Variants in SORL1 observed in about 807,000 individuals in gnomAD.
The protein encoded by SORL1 is sortilin-related receptor.
Under a neutral mutation model 273.7 loss-of-function variants are expected in SORL1, and 127 were observed. That is an observed-to-expected ratio of 0.46 (90% CI 0.40 to 0.54). The LOEUF is 0.54. SORL1 is among the 20% of genes least tolerant of loss of function. The pLI is 0.00. For synonymous variants in SORL1, 1,031 were observed against 1,067.4 expected (o/e 0.97, Z 0.66); for missense variants, 2,494 against 2,846.1 (o/e 0.88, Z 2.81).
intron 8 of SORL1, among the ~76,000 whole-genome samples, chr11:121,517,542 G>A (rs965962017): frequency 6.6e-6 from 1 of 152,314 alleles, no homozygotes; most frequent in African/African-American, 2.4e-5. Flanking sequence ...GCCCCTGGCT[G>A]TGGAATGGAA....
chr11:121,583,978 G>A (rs2134889679), intron 26 of SORL1, among the ~76,000 whole-genome samples: 1 of 152,258 alleles, frequency 6.6e-6, no homozygotes, highest in East Asian at 1.9e-4. Flanking sequence ...ATGCAACTCT[G>A]TTTTTGTGTA....
Position 121,612,806 on chromosome 11 carries a change from T to G in SORL1, c.5393T>G (p.Phe1798Cys). 1 of 1,613,950 alleles carries G rather than the reference T, an allele frequency of 6.2e-7. No homozygotes were observed. The highest frequency in any genetic ancestry group is 8.5e-7 in the Non-Finnish European group (1 of 1,179,816). The change falls in exon 40 of 48, where the codon TTC becomes TGC. Residue 1798 changes from phenylalanine to cysteine, a missense_variant. Phe to Cys is a radical substitution (Grantham distance 205). Coordinates refer to ENST00000260197, the MANE Select transcript of SORL1 (RefSeq NM_003105.6). ...AAGCAAGAGAGGAGAACTTTGAACTTCCGAGGAAGCATATTGTCACACAAA... is the reference window on the plus strand; with the variant it reads ...AAGCAAGAGAGGAGAACTTTGAACTGCCGAGGAAGCATATTGTCACACAAA... ...THKQERRTLN[F>C]RGSILSHKVG...
chr11:121,629,414 T>C (rs745538400), intron 47 of SORL1, 82 bp from the exon 48 acceptor site: 1 of 784,514 alleles, frequency 1.3e-6, no homozygotes, highest in Non-Finnish European at 2.3e-6. Flanking sequence ...GTGGTAGGGT[T>C]GAGGGGTGGG....
At chr11:121,490,194 C>A in intron 5 of SORL1, 84 bp downstream of exon 5, 1 of 888,574 alleles carries the variant, frequency 1.1e-6, no homozygotes, top group Non-Finnish European at 1.9e-6. Context: ...AAACTGCCCT[C>A]CCCTGAAATG....
rs756565693 is a variant in SORL1 at position 121,627,520 on chromosome 11, A to G, written c.6365-35A>G. On this transcript the variant is annotated intron_variant, in intron 46 of 47. Transcript: ENST00000260197. The surrounding 1 kb of genome is among the most constrained non-coding windows in gnomAD (Gnocchi z 4.9). Reference sequence around the variant, plus strand: ...TCATCTGGTCTGTTCTCCTGCCCTCAGGTGGGCTTATTGGTGGGAACTTTG... The same window carrying G: ...TCATCTGGTCTGTTCTCCTGCCCTCGGGTGGGCTTATTGGTGGGAACTTTG... 6.3e-7 allele frequency: 1 copy of G among 1,578,130 alleles called. No individual in the cohort carries two copies.
chr11:121,605,183 C>T lies in SORL1; in HGVS notation c.4722C>T (p.Thr1574=), dbSNP rs1334388351. Residue 1574 remains threonine, a synonymous_variant, in exon 34 of 48, where the codon ACC becomes ACT. Coordinates refer to ENST00000260197, the MANE Select transcript of SORL1 (RefSeq NM_003105.6). ...TADFSGDVTL[T]WMRPKKMPSA... ...ACTTCTCTGGGGATGTGACTTTGAC[C>T]TGGATGAGGCCCAAAAAAATGCCCT... 3.7e-6 allele frequency: 6 copies of T among 1,613,688 alleles called. No individual in the cohort carries two copies. The highest frequency in any genetic ancestry group is 5.1e-6 in the Non-Finnish European group (6 of 1,179,770).
chr11:121,543,004 C>T (rs1022672598), intron 12 of SORL1, among the ~76,000 whole-genome samples: 2 of 149,932 alleles, frequency 1.3e-5, no homozygotes, highest in Non-Finnish European at 3.0e-5. Context: ...GGTGAAACCC[C>T]GTCTTTACTA....
At chr11:121,572,278 A>G (rs1326056288) in intron 23 of SORL1, among the ~76,000 whole-genome samples, 1 of 152,198 alleles carries the variant, frequency 6.6e-6, no homozygotes, top group Admixed American at 6.5e-5. Flanking sequence ...TGCTGCCTCC[A>G]ATGGCTTCCT....
chr11:121,558,946 G>T, intron 20 of SORL1, 109 bp downstream of exon 20: 2 of 1,415,652 alleles, frequency 1.4e-6, no homozygotes. Context: ...ACTTCTTAAA[G>T]GTTGCCTTTT....
chr11:121,626,183 T>C (rs1863791897), intron 46 of SORL1: 1 of 152,196 alleles, frequency 6.6e-6, no homozygotes, highest in Non-Finnish European at 1.5e-5. Flanking sequence ...ACCTGTGAAA[T>C]ATGCTTTGGG....
Position 121,595,782 on chromosome 11 carries a change from CAG to C in SORL1, c.4519+15_4519+16del. 1 of 1,610,528 alleles carries C rather than the reference CAG, an allele frequency of 6.2e-7. No individual in the cohort carries two copies. Among genetic ancestry groups the C allele is most frequent in the African/African-American group, 1.3e-5 (1 of 75,012 alleles). Reference sequence around the variant, plus strand: ...GACGAGGCCAATTGCCGTGAGTAGTCAGAGAGCCCTTCACCCCCTGGGCACGT... The same window carrying C: ...GACGAGGCCAATTGCCGTGAGTAGTCAGAGCCCTTCACCCCCTGGGCACGT... On this transcript the variant is annotated intron_variant, in intron 32 of 47. Coordinates refer to ENST00000260197, the MANE Select transcript of SORL1 (RefSeq NM_003105.6). This position sits in a 1 kb window ranked among gnomAD's most constrained non-coding sequence, Gnocchi z 5.1.
chr11:121,537,162 T>A (rs926602268), intron 12 of SORL1, among the ~76,000 whole-genome samples: 2 of 152,122 alleles, frequency 1.3e-5, no homozygotes, highest in African/African-American at 4.8e-5. Flanking sequence ...TGGGAAGTAG[T>A]GAGAAACGAG....
intron 23 of SORL1, 126 bp from the exon 24 acceptor site, chr11:121,574,115 T>G (rs916351837): frequency 4.3e-6 from 4 of 926,270 alleles, no homozygotes; most frequent in African/African-American, 1.7e-5. Flanking sequence ...AGTCTAGGTT[T>G]AATTTCTGTT....
At chr11:121,508,611 C>T (rs1218440774) in intron 6 of SORL1, among the ~76,000 whole-genome samples, 3 of 152,230 alleles carry the variant, frequency 2.0e-5, no homozygotes, top group African/African-American at 7.2e-5. Flanking sequence ...ATTCTGTCCT[C>T]TCCAGTGGCT....
At chr11:121,573,483 GTGCC>G (rs968330053) in intron 23 of SORL1, among the ~76,000 whole-genome samples, 1 of 152,088 alleles carries the variant, frequency 6.6e-6, no homozygotes, top group Non-Finnish European at 1.5e-5. Context: ...CTGGTGGTGG[GTGCC>G]TGTAATCCCA....
chr11:121,535,911 C>T (rs1002169303), intron 12 of SORL1, among the ~76,000 whole-genome samples: 1 of 152,118 alleles, frequency 6.6e-6, no homozygotes, highest in African/African-American at 2.4e-5. Context: ...TCCACTTATT[C>T]GTTCATTCAG....
chr11:121,582,716 C>T (rs1257693258), intron 25 of SORL1, among the ~76,000 whole-genome samples: 1 of 152,220 alleles, frequency 6.6e-6, no homozygotes, highest in Non-Finnish European at 1.5e-5. Context: ...ATAGTGGACA[C>T]CACATATTAT....
In SORL1 at chr11:121,604,212, T is replaced by A. The variant is rs1863433450; in HGVS notation, c.4539T>A (p.Thr1513=). Residue 1513 remains threonine (T), a synonymous_variant, in exon 33 of 48, where the codon ACT becomes ACA. Coordinates refer to ENST00000260197, the MANE Select transcript of SORL1 (RefSeq NM_003105.6). ...EANCPTHSTL[T]CMSREFQCED... The stretch of plus-strand genomic sequence containing the variant: ...TTTCAGCCACACACAGCACCTTGAC[T>A]TGCATGAGCAGGGAGTTCCAGTGCG... 7 of 1,614,106 alleles carry A rather than the reference T, an allele frequency of 4.3e-6. 1 individual carries two copies. Among genetic ancestry groups the A allele is most frequent in the African/African-American group, 1.3e-5 (1 of 75,050 alleles).
chr11:121,583,318 G>A (rs1863039386), intron 25 of SORL1, 140 bp from the exon 26 acceptor site: 7 of 993,232 alleles, frequency 7.0e-6, no homozygotes, highest in Non-Finnish European at 9.6e-6. Flanking sequence ...CCAATTCTCA[G>A]CCAAGGAGAA....
Sources: gnomAD v4.1 joint callset for allele counts (sites outside exome capture counted in the v4.1 genomes callset) on GRCh38, gnomAD v4.1.1 for gene constraint, Gnocchi (gnomAD v3.1) non-coding constraint, MANE v1.5 for transcripts, NCBI Gene and HGNC (gene_info 2026-07-23, HGNC 2026-07-21) for gene names.